KIRREL3: variants seen among roughly 807,000 people sequenced by gnomAD.
KIRREL3 encodes the protein kirre like nephrin family adhesion molecule 3.
In KIRREL3, 36 loss-of-function variants were observed where a neutral mutation model predicts 89.7. The ratio of observed to expected loss-of-function variants is 0.40; its 90% CI spans 0.31 to 0.53. The LOEUF is 0.53. Ranked by LOEUF, KIRREL3 falls within the 20% of genes least tolerant of loss-of-function variation. The probability of loss-of-function intolerance (pLI) is 0.49; values close to 1 mark genes in which losing one functional copy is unlikely to be tolerated. For missense variants in KIRREL3, 864 were observed against 1,056.6 expected, an observed-to-expected ratio of 0.82 and a Z score of 2.53; for synonymous variants, 445 against 441.4, an observed-to-expected ratio of 1.01 and a Z score of -0.10.
At chr11:126,468,435 TGGA>T (rs1244590239) in intron 5 of KIRREL3, among the ~76,000 whole-genome samples, 1 of 152,228 alleles carries the variant, frequency 6.6e-6, no homozygotes, top group Non-Finnish European at 1.5e-5. Context: ...CCCTGCACCC[TGGA>T]GGCTGTGACA....
rs1266435853 is a variant in KIRREL3 at position 126,568,670 on chromosome 11, G to A, written c.56-5758C>T. Among the ~76,000 whole-genome samples, 1 of 152,082 alleles carries A rather than the reference G, an allele frequency of 6.6e-6. No individual in the cohort carries two copies. The highest frequency in any genetic ancestry group is 1.5e-5 in the Non-Finnish European group (1 of 68,020). ...CAACTCTTAGGCTTCTCTGAGCTTT[G>A]GTTTCCTCATTTATAAAACGTTGAT... On this transcript the variant is annotated intron_variant, in intron 1 of 16. Transcript: ENST00000525144. The surrounding 1 kb of genome is among the most constrained non-coding windows in gnomAD (Gnocchi z 4.6).
intron 1 of KIRREL3, among the ~76,000 whole-genome samples, chr11:126,593,889 C>T (rs1401162438): frequency 6.6e-6 from 1 of 152,172 alleles, no homozygotes; most frequent in East Asian, 1.9e-4. Context: ...CTGCGAGACT[C>T]AGGGGGTCCA....
chr11:126,995,234 G>C lies in KIRREL3; in HGVS notation c.55+5221C>G. The C allele has an allele frequency of 2.2e-6, 1 of 456,102 alleles. No homozygotes were observed. The highest frequency in any genetic ancestry group is 4.4e-6 in the Non-Finnish European group (1 of 226,926). The allele number at this position is 456,102 out of a possible 1,614,324, so 28.3% of individuals were successfully genotyped here. On this transcript the variant is annotated intron_variant, in intron 1 of 16. Transcript: ENST00000525144. This position sits in a 1 kb window ranked among gnomAD's most constrained non-coding sequence, Gnocchi z 6.5. ...CTGCTCCAAGAGTGCTGGGATGTCCGCTGGCCTCGAGGCAAGACAAGAGCT... is the reference window on the plus strand; with the variant it reads ...CTGCTCCAAGAGTGCTGGGATGTCCCCTGGCCTCGAGGCAAGACAAGAGCT...
At chr11:126,957,660 G>T (rs1948963837) in intron 1 of KIRREL3, among the ~76,000 whole-genome samples, 1 of 152,206 alleles carries the variant, frequency 6.6e-6, no homozygotes, top group Admixed American at 6.5e-5. Flanking sequence ...AGGAGGCAGG[G>T]TTGGACGTGT....
rs1336040690 is a variant in KIRREL3 at position 126,836,881 on chromosome 11, T to C, written c.55+163574A>G. 5.9e-5 allele frequency among the ~76,000 whole-genome samples: 9 copies of C among 152,200 alleles called. No individual in the cohort carries two copies. In the East Asian group the frequency reaches 1.7e-3, roughly 29 times the overall value. On this transcript the variant is annotated intron_variant, in intron 1 of 16. Transcript: ENST00000525144. ...ATCCTGTGCCTGACTCTGCTGTAGC[T>C]CTTCTTACAGAACAACAAACTTATT...
In KIRREL3 at chr11:126,788,379, G is replaced by T. The variant is rs1032279657; in HGVS notation, c.55+212076C>A. On this transcript the variant is annotated intron_variant, in intron 1 of 16. Transcript: ENST00000525144. The surrounding 1 kb of genome is among the most constrained non-coding windows in gnomAD (Gnocchi z 4.1). ...AAGTTGCATTTGACATTTCTGCAGG[G>T]TCTGTGGCCCTTGGTTTTGAGACTG... is the stretch of plus-strand genomic sequence containing the variant. 1.1e-4 allele frequency among the ~76,000 whole-genome samples: 17 copies of T among 152,148 alleles called. No homozygotes were observed. The highest frequency in any genetic ancestry group is 7.9e-4 in the Admixed American group (12 of 15,270).
chr11:126,845,543 A>C (rs1258911311), intron 1 of KIRREL3, among the ~76,000 whole-genome samples: 2 of 152,120 alleles, frequency 1.3e-5, no homozygotes, highest in Admixed American at 1.3e-4. Context: ...GGACCCCAAA[A>C]ACCTGCTGTT....
chr11:126,773,241 G>A lies in KIRREL3; in HGVS notation c.56-210329C>T, dbSNP rs1358608472. Among the ~76,000 whole-genome samples, 1 of 152,188 alleles carries A rather than the reference G, an allele frequency of 6.6e-6. No individual in the cohort carries two copies. Among genetic ancestry groups the A allele is most frequent in the Non-Finnish European group, 1.5e-5 (1 of 68,048 alleles). On this transcript the variant is annotated intron_variant, in intron 1 of 16. Transcript: ENST00000525144. The surrounding 1 kb of genome is among the most constrained non-coding windows in gnomAD (Gnocchi z 4.2). Reference sequence around the variant, plus strand: ...GGATGTTTCTGTGAAGGTGTTTCAGGATGAGGTTAACACTCTTGAATCAGG... The same window carrying A: ...GGATGTTTCTGTGAAGGTGTTTCAGAATGAGGTTAACACTCTTGAATCAGG...
At chr11:126,893,633 A>G (rs753637195) in intron 1 of KIRREL3, among the ~76,000 whole-genome samples, 13 of 152,188 alleles carry the variant, frequency 8.5e-5, no homozygotes, top group Non-Finnish European at 1.5e-4. Context: ...TGAGCTGATC[A>G]TTTGTTTTCC....
chr11:126,751,276 A>G (rs1161912198), intron 1 of KIRREL3, among the ~76,000 whole-genome samples: 1 of 152,246 alleles, frequency 6.6e-6, no homozygotes, highest in Non-Finnish European at 1.5e-5. Context: ...TGGATGCACC[A>G]TCTCCTTGTC....
chr11:126,570,152 C>G lies in KIRREL3; in HGVS notation c.56-7240G>C, dbSNP rs894033863. On this transcript the variant is annotated intron_variant, in intron 1 of 16. Coordinates refer to ENST00000525144, the MANE Select transcript of KIRREL3 (RefSeq NM_032531.4). The surrounding 1 kb of genome is among the most constrained non-coding windows in gnomAD (Gnocchi z 6.1). ...TAAATGTTTAATTAGCCCAATAATA[C>G]CTGTTTTATAATTTTTGGATCTCAT... Among the ~76,000 whole-genome samples the G allele has an allele frequency of 6.6e-6, 1 of 152,086 alleles. No homozygotes were observed. The highest frequency in any genetic ancestry group is 1.5e-5 in the Non-Finnish European group (1 of 68,038).
rs563548547 is a variant in KIRREL3 at position 126,876,782 on chromosome 11, G to A, written c.55+123673C>T. On this transcript the variant is annotated intron_variant, in intron 1 of 16. Transcript: ENST00000525144. This position sits in a 1 kb window ranked among gnomAD's most constrained non-coding sequence, Gnocchi z 4.1. The stretch of plus-strand genomic sequence containing the variant: ...TTTGAACTCATGACCTGATCTGCCC[G>A]CCTCAGCCTCCCGAAGTGCTAGGAT... Among the ~76,000 whole-genome samples the A allele has an allele frequency of 9.2e-5, 14 of 152,188 alleles. No homozygotes were observed. The highest frequency in any genetic ancestry group is 6.2e-4 in the South Asian group (3 of 4,822).
At chr11:126,838,044 A>C (rs1943839085) in intron 1 of KIRREL3, among the ~76,000 whole-genome samples, 1 of 152,216 alleles carries the variant, frequency 6.6e-6, no homozygotes, top group African/African-American at 2.4e-5. Context: ...TCTAACAAAT[A>C]ATAATAACAA....
intron 1 of KIRREL3, among the ~76,000 whole-genome samples, chr11:126,786,506 A>C (rs1222225153): frequency 6.6e-6 from 1 of 152,246 alleles, no homozygotes; most frequent in African/African-American, 2.4e-5. Flanking sequence ...ATGGTCATCA[A>C]TAATAAAATA....
chr11:126,922,609 T>C (rs1947398568), intron 1 of KIRREL3, among the ~76,000 whole-genome samples: 1 of 151,996 alleles, frequency 6.6e-6, no homozygotes, highest in Non-Finnish European at 1.5e-5. Context: ...AGGGACCTTG[T>C]TCTGTCAAGT....
Position 126,516,830 on chromosome 11 carries a change from C to T in KIRREL3, c.433+4485G>A, listed in dbSNP as rs1201435399. ...TTTAAAATACAGGCGGGGTGGCTCACGCTTGTAATCCCAGCACTTTGGGAG... is the reference window on the plus strand; with the variant it reads ...TTTAAAATACAGGCGGGGTGGCTCATGCTTGTAATCCCAGCACTTTGGGAG... On this transcript the variant is annotated intron_variant, in intron 4 of 16. Coordinates refer to ENST00000525144, the MANE Select transcript of KIRREL3 (RefSeq NM_032531.4). The surrounding 1 kb of genome is among the most constrained non-coding windows in gnomAD (Gnocchi z 4.9). Among the ~76,000 whole-genome samples, 4 of 152,122 alleles carry T rather than the reference C, an allele frequency of 2.6e-5. No individual in the cohort carries two copies. Among genetic ancestry groups the T allele is most frequent in the Admixed American group, 6.5e-5 (1 of 15,274 alleles).
In KIRREL3 at chr11:126,428,291, C is replaced by T. The variant is rs918246312; in HGVS notation, c.1806+888G>A. Among the ~76,000 whole-genome samples, 7 of 152,214 alleles carry T rather than the reference C, an allele frequency of 4.6e-5. No individual in the cohort carries two copies. Among genetic ancestry groups the T allele is most frequent in the East Asian group, 1.9e-4 (1 of 5,164 alleles). On this transcript the variant is annotated intron_variant, in intron 15 of 16. Coordinates refer to ENST00000525144, the MANE Select transcript of KIRREL3 (RefSeq NM_032531.4). The surrounding 1 kb of genome is among the most constrained non-coding windows in gnomAD (Gnocchi z 6.4). The stretch of plus-strand genomic sequence containing the variant: ...TGCCTCCACTCCAACATGTTACGAC[C>T]GAGGCAACCAGAAACTTCTAGCATG...
At position 126,563,967 on chromosome 11, in the gene KIRREL3, C is replaced by T. The variant is rs1940325572; in HGVS notation, c.56-1055G>A. ...AGGTTCAACCATGTTAAATGACTTC[C>T]CACGATTGTCTTAGACCCCCACCCC... On this transcript the variant is annotated intron_variant, in intron 1 of 16. Coordinates refer to ENST00000525144, the MANE Select transcript of KIRREL3 (RefSeq NM_032531.4). The surrounding 1 kb of genome is among the most constrained non-coding windows in gnomAD (Gnocchi z 6.8). Among the ~76,000 whole-genome samples, 1 of 152,200 alleles carries T rather than the reference C, an allele frequency of 6.6e-6. No homozygotes were observed. Among genetic ancestry groups the T allele is most frequent in the Non-Finnish European group, 1.5e-5 (1 of 68,042 alleles).
At position 126,490,080 on chromosome 11, in the gene KIRREL3, A is replaced by T. The variant is rs1013248332; in HGVS notation, c.434-16614T>A. 6.6e-6 allele frequency among the ~76,000 whole-genome samples: 1 copy of T among 151,924 alleles called. No homozygotes were observed. The highest frequency in any genetic ancestry group is 2.4e-5 in the African/African-American group (1 of 41,360). The stretch of plus-strand genomic sequence containing the variant: ...GTTGCTTTGAAGTGAAATGTTTTGG[A>T]TGTGCCTTAAAGTCACAGTTAGCTC... On this transcript the variant is annotated intron_variant, in intron 4 of 16. Coordinates refer to ENST00000525144, the MANE Select transcript of KIRREL3 (RefSeq NM_032531.4). The surrounding 1 kb of genome is among the most constrained non-coding windows in gnomAD (Gnocchi z 4.2).
Sources: gnomAD v4.1 joint callset for allele counts (sites outside exome capture counted in the v4.1 genomes callset) on GRCh38, gnomAD v4.1.1 for gene constraint, Gnocchi (gnomAD v3.1) non-coding constraint, MANE v1.5 for transcripts, NCBI Gene and HGNC (gene_info 2026-07-23, HGNC 2026-07-21) for gene names.